The following MCU variants were observed in gnomAD, a reference collection of about 807,000 sequenced individuals.
The protein encoded by MCU is calcium uniporter protein, mitochondrial.
Under a neutral mutation model 45.2 loss-of-function variants are expected in MCU, and 12 were observed. The ratio of observed to expected loss-of-function variants is 0.27; its 90% confidence interval spans 0.17 to 0.43. The LOEUF (loss-of-function observed/expected upper bound fraction) is 0.43. Ranked by LOEUF, MCU falls within the 20% of genes least tolerant of loss-of-function variation. The pLI, the probability that MCU is intolerant of heterozygous loss-of-function variation, is 1.00. For missense variants in MCU, 324 were observed against 436.7 expected, an observed-to-expected ratio of 0.74 and a Z score of 2.30; for synonymous variants, 160 against 165.1, an observed-to-expected ratio of 0.97 and a Z score of 0.24.
intron 3 of MCU, chr10:72,860,165 A>C (rs1402194659): frequency 2.6e-6 from 1 of 380,284 alleles, no homozygotes; most frequent in Non-Finnish European, 4.9e-6. Context: ...TCCAATGTAC[A>C]CCTATAGAAC....
chr10:72,773,530 A>G (rs143082148), intron 1 of MCU, among the ~76,000 whole-genome samples: 1 of 152,330 alleles, frequency 6.6e-6, no homozygotes, highest in African/African-American at 2.4e-5. Context: ...CTGGTGTTCA[A>G]GAGGGAGCTG....
chr10:72,826,330 CTTCAG>C (rs1844798372), intron 1 of MCU, among the ~76,000 whole-genome samples: 1 of 152,202 alleles, frequency 6.6e-6, no homozygotes, highest in South Asian at 2.1e-4. Context: ...ATATAAGCTA[CTTCAG>C]TTCTATAAGG....
At position 72,868,752 on chromosome 10, in the gene MCU, G is replaced by C. The variant is rs754600073; in HGVS notation, c.546G>C (p.Leu182Phe). Residue 182 changes from leucine (L) to phenylalanine (F), a missense_variant, in exon 5 of 8, where the codon TTG becomes TTC. Around this residue, in one of 4 missense-constraint regions of MCU, gnomAD observed 135 missense variants for 207.3 expected, o/e 0.65. Coordinates refer to ENST00000373053, the MANE Select transcript of MCU (RefSeq NM_138357.3). ...CAACGCTGAATGATGTAAAGACATT[G>C]GTCCAGCAACTATACACCACACTGT... ...NAATLNDVKT[L>F]VQQLYTTLCI... The C allele has an allele frequency of 1.2e-6, 2 of 1,614,100 alleles. No individual in the cohort carries two copies. The highest frequency in any genetic ancestry group is 2.2e-5 in the South Asian group (2 of 91,068).
chr10:72,871,684 T>A (rs1009549403), intron 6 of MCU, 104 bp downstream of exon 6: 1 of 935,440 alleles, frequency 1.1e-6, no homozygotes, highest in Non-Finnish European at 1.7e-6. Flanking sequence ...CTTTAAGTAC[T>A]CATCCTTTAC....
At chr10:72,731,384 G>A (rs2132685011) in intron 1 of MCU, among the ~76,000 whole-genome samples, 1 of 152,304 alleles carries the variant, frequency 6.6e-6, no homozygotes, top group East Asian at 1.9e-4. Context: ...ATATTGGAAA[G>A]CTATAGCTGT....
chr10:72,771,727 G>A (rs1028719748), intron 1 of MCU, among the ~76,000 whole-genome samples: 7 of 151,998 alleles, frequency 4.6e-5, no homozygotes, highest in African/African-American at 1.5e-4. Flanking sequence ...ATAAGCATAC[G>A]TGTGCCATGG....
At chr10:72,880,127 A>G in intron 6 of MCU, among the ~76,000 whole-genome samples, 1 of 152,368 alleles carries the variant, frequency 6.6e-6, no homozygotes, top group East Asian at 1.9e-4. Context: ...AAAATGTTCT[A>G]ATATTCCTTC....
At chr10:72,738,538 A>G (rs1482367585) in intron 1 of MCU, among the ~76,000 whole-genome samples, 2 of 152,258 alleles carry the variant, frequency 1.3e-5, no homozygotes, top group South Asian at 4.1e-4. Flanking sequence ...GAGTGCTGAT[A>G]GCTGTGATGT....
chr10:72,815,982 C>G (rs1440221501), intron 1 of MCU, among the ~76,000 whole-genome samples: 1 of 152,110 alleles, frequency 6.6e-6, no homozygotes, highest in Non-Finnish European at 1.5e-5. Flanking sequence ...AGTTCAAGAT[C>G]AGCCTGGCCA....
At chr10:72,867,499 C>T (rs926069654) in intron 4 of MCU, among the ~76,000 whole-genome samples, 1 of 152,160 alleles carries the variant, frequency 6.6e-6, no homozygotes, top group African/African-American at 2.4e-5. Context: ...TATTCTCTGT[C>T]TTTCATCAAC....
chr10:72,885,256 C>T lies in MCU; in HGVS notation c.979-489C>T, dbSNP rs571009461. On this transcript the variant is annotated intron_variant, in intron 7 of 7. Transcript: ENST00000373053. Reference sequence around the variant, plus strand: ...GCTTGCTCGTTAGTCCAGCTCCTCCCGGGTGAAGTCCAAGCATGTGTGAGT... The same window carrying T: ...GCTTGCTCGTTAGTCCAGCTCCTCCTGGGTGAAGTCCAAGCATGTGTGAGT... 3.9e-5 allele frequency among the ~76,000 whole-genome samples: 6 copies of T among 152,318 alleles called. 1 individual carries two copies. In the South Asian group the frequency reaches 8.3e-4, roughly 21 times the overall value.
chr10:72,701,821 G>A (rs888793955), intron 1 of MCU, among the ~76,000 whole-genome samples: 31 of 151,634 alleles, frequency 2.0e-4, no homozygotes, highest in African/African-American at 7.0e-4. Flanking sequence ...GTGATCCACC[G>A]TGCCCGGCCC....
At chr10:72,879,262 C>CA (rs372283796) in intron 6 of MCU, among the ~76,000 whole-genome samples, 42 of 151,494 alleles carry the variant, frequency 2.8e-4, no homozygotes, top group African/African-American at 9.2e-4. Flanking sequence ...GACTCTGTAT[C>CA]AAAAAAATAA....
chr10:72,797,099 C>A (rs182458664), intron 1 of MCU, among the ~76,000 whole-genome samples: 9 of 152,104 alleles, frequency 5.9e-5, no homozygotes, highest in Admixed American at 5.9e-4. Flanking sequence ...GGTTAAGTAG[C>A]CTCATTATTT....
intron 5 of MCU, among the ~76,000 whole-genome samples, chr10:72,869,583 C>G (rs893321464): frequency 1.3e-5 from 2 of 152,016 alleles, no homozygotes; most frequent in Non-Finnish European, 2.9e-5. Context: ...GCGAGACTGT[C>G]TCAAAAACAA....
chr10:72,718,546 A>T (rs1842981560), intron 1 of MCU, among the ~76,000 whole-genome samples: 1 of 152,206 alleles, frequency 6.6e-6, no homozygotes, highest in South Asian at 2.1e-4. Flanking sequence ...CCCTATGAAG[A>T]TTTAAAAATA....
At chr10:72,692,470 G>C (rs1309677498) in intron 1 of MCU, 169 bp downstream of exon 1, 1 of 275,738 alleles carries the variant, frequency 3.6e-6, no homozygotes, top group Non-Finnish European at 5.3e-6. Flanking sequence ...CTGCGGCGGC[G>C]ACCAGGAAGG....
At chr10:72,761,619 T>C (rs533485866) in intron 1 of MCU, among the ~76,000 whole-genome samples, 20 of 152,328 alleles carry the variant, frequency 1.3e-4, no homozygotes, top group Admixed American at 6.5e-4. Flanking sequence ...AAGAATGATA[T>C]ATATGTTGAT....
chr10:72,760,393 C>T (rs556617086), intron 1 of MCU, among the ~76,000 whole-genome samples: 255 of 152,034 alleles, frequency 1.7e-3, no homozygotes, highest in Non-Finnish European at 3.0e-3. Flanking sequence ...CCCTGAAAAA[C>T]CAGGTTATAA....
Sources: gnomAD v4.1 joint callset for allele counts (sites outside exome capture counted in the v4.1 genomes callset) on GRCh38, gnomAD v4.1.1 for gene constraint, gnomAD v4.1.1 regional missense constraint, MANE v1.5 for transcripts, NCBI Gene and HGNC (gene_info 2026-07-23, HGNC 2026-07-21) for gene names.